The following SFI1 variants were observed in gnomAD, a reference collection of about 807,000 sequenced individuals.
The protein encoded by SFI1 is protein SFI1 homolog.
A neutral mutation model predicts 207.5 loss-of-function variants in SFI1; 195 were observed. The ratio of observed to expected loss-of-function variants is 0.94; its 90% CI spans 0.84 to 1.06. The LOEUF (loss-of-function observed/expected upper bound fraction) is 1.06, where lower values mean the gene tolerates loss of function less well. Ranked by LOEUF, SFI1 falls within the 50% of genes least tolerant of loss-of-function variation. The pLI is 0.00. For synonymous variants in SFI1, 630 were observed against 598.9 expected (o/e 1.05, Z -0.76); for missense variants, 1,634 against 1,588.0 (o/e 1.03, Z -0.49).
intron 2 of SFI1, 37 bp downstream of exon 2, chr22:31,508,413 A>G (rs1278518488): frequency 2.2e-6 from 3 of 1,374,150 alleles, no homozygotes; most frequent in South Asian, 1.2e-5. Flanking sequence ...TATAACTGGA[A>G]TGATGGTTCA....
chr22:31,598,882 C>T (rs2067640526), intron 15 of SFI1, among the ~76,000 whole-genome samples: 2 of 147,090 alleles, frequency 1.4e-5, no homozygotes, highest in Middle Eastern at 3.2e-3. Flanking sequence ...CAGCCTCCAC[C>T]TCCCAGGTTC....
intron 2 of SFI1, among the ~76,000 whole-genome samples, chr22:31,520,000 A>G (rs976217003): frequency 6.6e-6 from 1 of 151,940 alleles, no homozygotes; most frequent in Non-Finnish European, 1.5e-5. Flanking sequence ...TCCTGGGCTC[A>G]AGTGATCCAC....
chr22:31,612,007 G>A lies in SFI1; in HGVS notation c.2490+167G>A. On this transcript the variant is annotated intron_variant, in intron 24 of 32. Transcript: ENST00000400288. ...CTTCCTGTCATTTCCAGGCACATCA[G>A]CTTCCTTCCGTCTGCAGTCTGCATA... 5.6e-6 allele frequency: 8 copies of A among 1,416,636 alleles called. No homozygotes were observed. The South Asian group carries it at 8.9e-5, about 16-fold the overall frequency. 87.8% of individuals were successfully genotyped at this position (1,416,636 alleles called of 1,614,324 possible).
chr22:31,585,750 C>T (rs997237389), intron 14 of SFI1, among the ~76,000 whole-genome samples: 4 of 152,150 alleles, frequency 2.6e-5, no homozygotes, highest in South Asian at 4.1e-4. Context: ...GCCCGTTCTA[C>T]CAATTGGGAG....
Position 31,611,860 on chromosome 22 carries a change from C to G in SFI1, c.2490+20C>G, listed in dbSNP as rs530857404. On this transcript the variant is annotated intron_variant, in intron 24 of 32. Coordinates refer to ENST00000400288, the MANE Select transcript of SFI1 (RefSeq NM_001007467.3). Reference sequence around the variant, plus strand: ...CAACAGGTGGGAACCCAGGAGATGTCCCCTCTGCACTTCCTTCTCCATCCT... The same window carrying G: ...CAACAGGTGGGAACCCAGGAGATGTGCCCTCTGCACTTCCTTCTCCATCCT... 1 of 1,613,230 alleles carries G rather than the reference C, an allele frequency of 6.2e-7. No individual in the cohort carries two copies. Among genetic ancestry groups the G allele is most frequent in the Non-Finnish European group, 8.5e-7 (1 of 1,179,622 alleles).
chr22:31,610,240 G>A (rs894423112), intron 22 of SFI1, among the ~76,000 whole-genome samples: 6 of 152,168 alleles, frequency 3.9e-5, no homozygotes, highest in Non-Finnish European at 5.9e-5. Context: ...GTACAGGCTG[G>A]CGGTCATAAC....
At chr22:31,512,172 A>G (rs2055676050) in intron 2 of SFI1, among the ~76,000 whole-genome samples, 2 of 151,966 alleles carry the variant, frequency 1.3e-5, no homozygotes, top group African/African-American at 2.4e-5. Context: ...TCTGACCAAT[A>G]TGGTAAAACC....
In SFI1 at chr22:31,528,685, T is replaced by A; in HGVS notation, c.93-5T>A. ...CTCCTTGCCTCTTTCGTCCTCAAATTTAAGGTATTTTAAGGATGGTGCAGT... is the reference window on the plus strand; with the variant it reads ...CTCCTTGCCTCTTTCGTCCTCAAATATAAGGTATTTTAAGGATGGTGCAGT... On this transcript the variant is annotated splice_polypyrimidine_tract_variant and splice_region_variant and intron_variant, in intron 2 of 32. Coordinates refer to ENST00000400288, the MANE Select transcript of SFI1 (RefSeq NM_001007467.3). The A allele has an allele frequency of 6.2e-7, 1 of 1,611,362 alleles. No individual in the cohort carries two copies. The highest frequency in any genetic ancestry group is 8.5e-7 in the Non-Finnish European group (1 of 1,178,406).
chr22:31,556,798 T>G (rs2095906596), intron 6 of SFI1, 144 bp from the exon 7 acceptor site: 1 of 528,468 alleles, frequency 1.9e-6, no homozygotes, highest in Non-Finnish European at 3.4e-6. Context: ...ATTAATTTTC[T>G]AGTGCTTCAC....
chr22:31,576,573 G>C (rs1603089623), intron 10 of SFI1, among the ~76,000 whole-genome samples: 1 of 151,882 alleles, frequency 6.6e-6, no homozygotes, highest in African/African-American at 2.4e-5. Context: ...CACTTGCCTC[G>C]GCCTCTTAAA....
In SFI1 at chr22:31,589,585, G is replaced by A; in HGVS notation, c.1544+8G>A. ...AGCAACACGTTTCCACAGGTATGTT[G>A]CGCAGCTCCTGTCTGCACTGGGGCA... On this transcript the variant is annotated splice_region_variant and intron_variant, in intron 15 of 32. Transcript: ENST00000400288. 1 of 1,610,190 alleles carries A rather than the reference G, an allele frequency of 6.2e-7. No homozygotes were observed. The highest frequency in any genetic ancestry group is 1.1e-5 in the South Asian group (1 of 90,338).
At position 31,602,593 on chromosome 22, in the gene SFI1, C is replaced by CAGAATGA. The variant is rs1163976369; in HGVS notation, c.1627-14_1627-13insAGAATGA. 6.2e-7 allele frequency: 1 copy of CAGAATGA among 1,613,646 alleles called. No individual in the cohort carries two copies. The highest frequency in any genetic ancestry group is 1.7e-5 in the Admixed American group (1 of 59,960). ...CTTGATTTATTCTGTTCTCTCCTTCCTGTCCTGCCTCAGGCCATCCTTCAC... is the reference window on the plus strand; with the variant it reads ...CTTGATTTATTCTGTTCTCTCCTTCCAGAATGATGTCCTGCCTCAGGCCATCCTTCAC... On this transcript the variant is annotated splice_polypyrimidine_tract_variant and intron_variant, in intron 16 of 32. Coordinates refer to ENST00000400288, the MANE Select transcript of SFI1 (RefSeq NM_001007467.3).
intron 15 of SFI1, among the ~76,000 whole-genome samples, chr22:31,596,550 G>A (rs932254997): frequency 3.3e-5 from 5 of 151,954 alleles, no homozygotes; most frequent in Non-Finnish European, 5.9e-5. Flanking sequence ...CAGTACTTGG[G>A]GAAGCTAAGG....
In SFI1 at chr22:31,546,939, G is replaced by A. The variant is rs780345695; in HGVS notation, c.417G>A (p.Trp139Ter). Residue 139 changes from tryptophan (W) to a stop codon, truncating the protein, a stop_gained, in exon 5 of 33, where the codon TGG becomes TGA. Transcript: ENST00000400288. LOFTEE classifies it high-confidence loss of function. Reference protein sequence around the residue: ...KEEWWVFQHEWKLCVRADCHY... With the variant: ...KEEWWVFQHE Reference sequence around the variant, plus strand: ...AGTGGTGGGTTTTCCAGCACGAGTGGAAACTCTGTGTTCGAGCTGACTGTC... The same window carrying A: ...AGTGGTGGGTTTTCCAGCACGAGTGAAAACTCTGTGTTCGAGCTGACTGTC... 4.9e-5 allele frequency: 79 copies of A among 1,611,946 alleles called. No homozygotes were observed. Among genetic ancestry groups the A allele is most frequent in the African/African-American group, 2.7e-5 (2 of 74,812 alleles).
At position 31,573,059 on chromosome 22, in the gene SFI1, C is replaced by T. The variant is rs749998085; in HGVS notation, c.767C>T (p.Ala256Val). 6.2e-7 allele frequency: 1 copy of T among 1,613,102 alleles called. No individual in the cohort carries two copies. Among genetic ancestry groups the T allele is most frequent in the Non-Finnish European group, 8.5e-7 (1 of 1,179,446 alleles). ...TGTTGCCTCTTCTCTGGTTTTCAGG[C>T]TTGGTCACAGTGGCGGGAACAGCTC... Reference protein sequence around the residue: ...KHRALSLQVQAWSQWREQLLY... With the variant: ...KHRALSLQVQVWSQWREQLLY... Residue 256 changes from alanine to valine, a missense_variant and splice_region_variant, in exon 9 of 33, where the codon GCT becomes GTT. Coordinates refer to ENST00000400288, the MANE Select transcript of SFI1 (RefSeq NM_001007467.3).
chr22:31,573,313 T>C, intron 9 of SFI1, 99 bp downstream of exon 9: 1 of 1,298,934 alleles, frequency 7.7e-7, no homozygotes. Context: ...ATAATGGTGC[T>C]ACTCCAGAAA....
chr22:31,607,106 C>T (rs1190980068), intron 21 of SFI1, among the ~76,000 whole-genome samples: 6 of 152,078 alleles, frequency 3.9e-5, no homozygotes, highest in Non-Finnish European at 8.8e-5. Context: ...TAGCCTGTGC[C>T]TCCCTTCCCC....
At chr22:31,611,029 G>A (rs976460311) in intron 22 of SFI1, 114 bp from the exon 23 acceptor site, 87 of 1,385,520 alleles carry the variant, frequency 6.3e-5, no homozygotes, top group South Asian at 1.2e-4. Flanking sequence ...CATGTGGGCT[G>A]GACACCTGAA....
chr22:31,509,328 G>C (rs1279262519), intron 2 of SFI1, among the ~76,000 whole-genome samples: 1 of 152,202 alleles, frequency 6.6e-6, no homozygotes, highest in Non-Finnish European at 1.5e-5. Flanking sequence ...CTCAGTCCAA[G>C]TCCCAATACC....
Sources: allele counts gnomAD v4.1 joint callset (sites outside exome capture counted in the v4.1 genomes callset), GRCh38; gene constraint gnomAD v4.1.1; transcripts MANE v1.5; gene names NCBI Gene and HGNC (gene_info 2026-07-23, HGNC 2026-07-21).